RHBDD1: variants seen among roughly 807,000 people sequenced by gnomAD.
RHBDD1 encodes rhomboid domain containing 1.
A neutral mutation model predicts 36.3 loss-of-function variants in RHBDD1; 38 were observed. The observed-to-expected ratio is 1.05, with a 90% CI of 0.81 to 1.37. RHBDD1 has a LOEUF of 1.37. Among genes scored for constraint, RHBDD1 ranks in the 40% most tolerant of loss-of-function variants. The pLI is 0.00. For missense variants in RHBDD1, 393 were observed against 377.6 expected (o/e 1.04, Z -0.34); for synonymous variants, 151 against 136.5 (o/e 1.11, Z -0.74).
At chr2:226,958,402 G>A (rs1424859333) in intron 8 of RHBDD1, among the ~76,000 whole-genome samples, 2 of 152,126 alleles carry the variant, frequency 1.3e-5, no homozygotes, top group African/African-American at 2.4e-5. Context: ...GAAGAAATAG[G>A]GGTTGATTGC....
rs979772615 is a variant in RHBDD1 at position 226,959,355 on chromosome 2, A to T, written c.857-36076A>T. ...GATTGATATATAACCCATAATCAAGATAATTAACATAGCCATCACACCCAA... is the reference window on the plus strand; with the variant it reads ...GATTGATATATAACCCATAATCAAGTTAATTAACATAGCCATCACACCCAA... On this transcript the variant is annotated intron_variant, in intron 8 of 8. Coordinates refer to ENST00000392062, the MANE Select transcript of RHBDD1 (RefSeq NM_001167608.3). Among the ~76,000 whole-genome samples the T allele has an allele frequency of 5.9e-5, 9 of 152,374 alleles. No individual in the cohort carries two copies. The East Asian group carries it at 1.3e-3, about 23-fold the overall frequency.
intron 8 of RHBDD1, among the ~76,000 whole-genome samples, chr2:226,960,183 C>T (rs1295521678): frequency 7.2e-5 from 11 of 152,202 alleles, no homozygotes; most frequent in Admixed American, 7.2e-4. Flanking sequence ...ATTTTACATT[C>T]TCTCCACCAG....
At chr2:226,964,300 A>G (rs567567719) in intron 8 of RHBDD1, among the ~76,000 whole-genome samples, 29 of 152,278 alleles carry the variant, frequency 1.9e-4, no homozygotes, top group African/African-American at 6.7e-4. Flanking sequence ...TGCACCCTCT[A>G]TGTTGCTAAG....
intron 5 of RHBDD1, among the ~76,000 whole-genome samples, chr2:226,872,871 T>C (rs1302044751): frequency 6.6e-6 from 1 of 152,256 alleles, no homozygotes; most frequent in African/African-American, 2.4e-5. Flanking sequence ...ATAAAGTTAG[T>C]TTGCAGGATT....
At chr2:226,851,096 G>A (rs1315931630) in intron 3 of RHBDD1, among the ~76,000 whole-genome samples, 2 of 152,040 alleles carry the variant, frequency 1.3e-5, no homozygotes, top group African/African-American at 4.8e-5. Context: ...CCTCACCTGT[G>A]GAAGATGGTC....
intron 8 of RHBDD1, among the ~76,000 whole-genome samples, chr2:226,935,962 G>C (rs970885994): frequency 1.3e-5 from 2 of 152,078 alleles, no homozygotes; most frequent in African/African-American, 4.8e-5. Context: ...TTTCACTGCT[G>C]CCTTGCTTGG....
upstream of RHBDD1, among the ~76,000 whole-genome samples, chr2:226,832,852 A>G (rs1940776221): frequency 6.6e-6 from 1 of 152,188 alleles, no homozygotes; most frequent in Non-Finnish European, 1.5e-5. Flanking sequence ...TACTAAAAAA[A>G]TACAAAAAAT....
At chr2:226,975,135 C>G (rs1954331056) in intron 8 of RHBDD1, among the ~76,000 whole-genome samples, 1 of 152,164 alleles carries the variant, frequency 6.6e-6, no homozygotes, top group Non-Finnish European at 1.5e-5. Context: ...GATCTGAGCT[C>G]TCCTAGGGCC....
chr2:226,811,116 A>G, the RHBDD1 span: 2 of 152,164 alleles, frequency 1.3e-5, no homozygotes, highest in African/African-American at 4.8e-5. Context: ...TGCCAAAACA[A>G]AAGCCATTTC....
At chr2:226,963,302 G>A (rs1033724824) in intron 8 of RHBDD1, among the ~76,000 whole-genome samples, 2 of 152,104 alleles carry the variant, frequency 1.3e-5, no homozygotes, top group Non-Finnish European at 2.9e-5. Context: ...ACTCAGATTT[G>A]GAATGATATT....
At chr2:226,878,758 A>G (rs1945449531) in intron 5 of RHBDD1, among the ~76,000 whole-genome samples, 2 of 152,226 alleles carry the variant, frequency 1.3e-5, no homozygotes, top group South Asian at 2.1e-4. Flanking sequence ...TGACTCCAAG[A>G]AAACGTTTCT....
At chr2:226,858,286 T>C (rs1329122334) in intron 3 of RHBDD1, among the ~76,000 whole-genome samples, 1 of 152,240 alleles carries the variant, frequency 6.6e-6, no homozygotes, top group African/African-American at 2.4e-5. Flanking sequence ...ATCTCAATTA[T>C]ATAGTGACAG....
chr2:226,858,037 G>A (rs1178106386), intron 3 of RHBDD1, among the ~76,000 whole-genome samples: 3 of 152,068 alleles, frequency 2.0e-5, no homozygotes, highest in Admixed American at 6.6e-5. Flanking sequence ...CAAGGTCATC[G>A]CCAAGGTCTG....
intron 5 of RHBDD1, among the ~76,000 whole-genome samples, chr2:226,870,595 C>T (rs1944719986): frequency 6.6e-6 from 1 of 152,116 alleles, no homozygotes; most frequent in East Asian, 1.9e-4. Flanking sequence ...ATGCTGCGCC[C>T]CCATGTAGTT....
rs1477792889 is a variant in RHBDD1 at position 226,995,718 on chromosome 2, C to T, written c.*196C>T. On this transcript the variant is annotated 3_prime_UTR_variant, in exon 9 of 9. Coordinates refer to ENST00000392062, the MANE Select transcript of RHBDD1 (RefSeq NM_001167608.3). ...ACAGCTTGCGGGGAGTGGGCCTTCTCCTGGCCTTGTTCTTGCTCATAAACA... is the reference window on the plus strand; with the variant it reads ...ACAGCTTGCGGGGAGTGGGCCTTCTTCTGGCCTTGTTCTTGCTCATAAACA... 1 of 592,834 alleles carries T rather than the reference C, an allele frequency of 1.7e-6. No individual in the cohort carries two copies. Among genetic ancestry groups the T allele is most frequent in the Admixed American group, 3.1e-5 (1 of 32,470 alleles). 36.7% of individuals were successfully genotyped at this position (592,834 alleles called of 1,614,324 possible). A position where few individuals can be genotyped will look rare whatever the true frequency, so the allele number is the denominator to read the frequency against.
chr2:226,906,726 T>G (rs780245810), intron 5 of RHBDD1, 67 bp from the exon 6 acceptor site: 1 of 1,612,982 alleles, frequency 6.2e-7, no homozygotes, highest in Non-Finnish European at 8.5e-7. Context: ...ACTGGGCTAA[T>G]GAGAAGACAG....
intron 8 of RHBDD1, among the ~76,000 whole-genome samples, chr2:226,937,210 C>T (rs917300748): frequency 6.6e-6 from 1 of 152,184 alleles, no homozygotes; most frequent in Admixed American, 6.6e-5. Flanking sequence ...GGAAAAGATA[C>T]ATCAGACAGT....
chr2:226,885,908 C>T (rs943431126), intron 5 of RHBDD1, among the ~76,000 whole-genome samples: 12 of 151,944 alleles, frequency 7.9e-5, no homozygotes, highest in African/African-American at 2.4e-4. Flanking sequence ...TGTTAAGTGA[C>T]GAATGGGCAG....
At chr2:226,960,887 A>G (rs116781770) in intron 8 of RHBDD1, among the ~76,000 whole-genome samples, 2 of 152,196 alleles carry the variant, frequency 1.3e-5, no homozygotes, top group African/African-American at 4.8e-5. Flanking sequence ...CAACAAAAAA[A>G]TTCTCCTTTT....
Sources: gnomAD v4.1 joint callset for allele counts (sites outside exome capture counted in the v4.1 genomes callset) on GRCh38, gnomAD v4.1.1 for gene constraint, MANE v1.5 for transcripts, NCBI Gene and HGNC (gene_info 2026-07-23, HGNC 2026-07-21) for gene names.